Variants in FER1L6 observed in about 807,000 individuals in gnomAD.
FER1L6 encodes the protein fer-1 like family member 6.
In FER1L6, 177 loss-of-function variants were observed where a neutral mutation model predicts 219.2. The observed-to-expected ratio is 0.81, with a 90% CI of 0.71 to 0.91. The LOEUF is 0.91. Among genes scored for constraint, FER1L6 ranks in the 40% least tolerant of loss-of-function variants. The pLI is 0.00. For synonymous variants in FER1L6, 768 were observed against 824.3 expected, an observed-to-expected ratio of 0.93 and a Z score of 1.17; for missense variants, 2,153 against 2,259.9, an observed-to-expected ratio of 0.95 and a Z score of 0.96.
At chr8:124,097,921 C>T in intron 37 of FER1L6, 38 bp downstream of exon 37, 1 of 1,072,186 alleles carries the variant, frequency 9.3e-7, no homozygotes, top group East Asian at 2.4e-5. Flanking sequence ...CCATTTCCTT[C>T]CCTCCTCACC....
intron 1 of FER1L6, among the ~76,000 whole-genome samples, chr8:123,907,338 A>G (rs1812971772): frequency 6.6e-6 from 1 of 152,158 alleles, no homozygotes; most frequent in Non-Finnish European, 1.5e-5. Context: ...ACTTCATTCC[A>G]TCAACAGATC....
chr8:123,880,963 T>C (rs1817098497), intron 1 of FER1L6, among the ~76,000 whole-genome samples: 1 of 152,206 alleles, frequency 6.6e-6, no homozygotes, highest in African/African-American at 2.4e-5. Context: ...CTGAGCTTTA[T>C]TGCACGTCAC....
At chr8:124,106,328 CAAAAAAAAAAAAA>C (rs71289636) in intron 39 of FER1L6, among the ~76,000 whole-genome samples, 2 of 63,848 alleles carry the variant, frequency 3.1e-5, no homozygotes, top group Non-Finnish European at 5.2e-5. Flanking sequence ...GACTCTGTCT[CAAAAAAAAAAAAA>C]AAAAAAAAAA....
chr8:124,061,807 G>A (rs1271485921), intron 24 of FER1L6, 45 bp from the exon 25 acceptor site: 13 of 1,592,550 alleles, frequency 8.2e-6, no homozygotes, highest in Non-Finnish European at 1.1e-5. Context: ...GTCTGCCCAT[G>A]GAAGGGTCAC....
chr8:123,993,437 G>A (rs1195855285), intron 12 of FER1L6, among the ~76,000 whole-genome samples: 4 of 134,290 alleles, frequency 3.0e-5, no homozygotes, highest in South Asian at 2.4e-4. Context: ...GCGAGACTCC[G>A]TCTCAAAAAA....
Position 123,855,211 on chromosome 8 carries a change from A to G in FER1L6, c.-8+3026A>G, listed in dbSNP as rs79303731. On this transcript the variant is annotated intron_variant, in intron 1 of 40. Coordinates refer to ENST00000522917, the MANE Select transcript of FER1L6 (RefSeq NM_001039112.2). ...AGGATCCAGGACAGTTCCAGGCATC[A>G]TGGGAGAGGGATGCTGTGATGCGTG... 9.9e-3 allele frequency among the ~76,000 whole-genome samples: 1,515 copies of G among 152,298 alleles called. 17 individuals are homozygous for G. Among genetic ancestry groups the G allele is most frequent in the Non-Finnish European group, 0.016 (1,076 of 68,010 alleles).
rs79859638 is a variant in FER1L6 at position 124,035,240 on chromosome 8, T to C, written c.2287-37T>C. 8,655 of 1,594,910 alleles carry C rather than the reference T, an allele frequency of 5.4e-3. 317 individuals are homozygous for C. The African/African-American group carries it at 0.085, about 16-fold the overall frequency. ...AAAGGGGAGGCCTATAATTATCTCCTACTAATAAGTCAGTCTTTTTTGTAA... is the reference window on the plus strand; with the variant it reads ...AAAGGGGAGGCCTATAATTATCTCCCACTAATAAGTCAGTCTTTTTTGTAA... On this transcript the variant is annotated intron_variant, in intron 18 of 40. Coordinates refer to ENST00000522917, the MANE Select transcript of FER1L6 (RefSeq NM_001039112.2).
chr8:123,894,775 T>A lies in FER1L6; in HGVS notation c.-8+42590T>A, dbSNP rs73324138. Among the ~76,000 whole-genome samples the A allele has an allele frequency of 7.7e-3, 1,168 of 152,190 alleles. 21 individuals are homozygous for A. Among genetic ancestry groups the A allele is most frequent in the African/African-American group, 0.026 (1,070 of 41,516 alleles). On this transcript the variant is annotated intron_variant, in intron 1 of 40. Transcript: ENST00000522917. ...GGAGGTACTCTGGAAGTGATGGGGA[T>A]ATGTTGAAAGGAGTCAGAAGCCAGC...
chr8:124,021,844 C>T (rs966961910), intron 17 of FER1L6, among the ~76,000 whole-genome samples, 175 bp downstream of exon 17: 2 of 117,314 alleles, frequency 1.7e-5, no homozygotes, highest in African/African-American at 6.9e-5. Flanking sequence ...CAAACAAGTA[C>T]AGCTTTATTC....
intron 1 of FER1L6, among the ~76,000 whole-genome samples, chr8:123,858,807 A>G (rs1296800394): frequency 1.3e-5 from 2 of 152,224 alleles, no homozygotes; most frequent in African/African-American, 2.4e-5. Context: ...AGTTTAGGAT[A>G]GTGGAAAGCC....
At chr8:124,056,941 G>A (rs949061973) in intron 22 of FER1L6, among the ~76,000 whole-genome samples, 1 of 152,198 alleles carries the variant, frequency 6.6e-6, no homozygotes. Flanking sequence ...CTACTCAGGA[G>A]GCTGAGGCAG....
chr8:124,029,741 T>C (rs1818876482), intron 18 of FER1L6, among the ~76,000 whole-genome samples: 1 of 152,250 alleles, frequency 6.6e-6, no homozygotes, highest in South Asian at 2.1e-4. Flanking sequence ...GAGAGTTTCT[T>C]TTGCTTTGAA....
chr8:123,920,403 G>A (rs948953412), intron 1 of FER1L6, among the ~76,000 whole-genome samples: 5 of 152,182 alleles, frequency 3.3e-5, no homozygotes, highest in Non-Finnish European at 7.4e-5. Flanking sequence ...TCATAGTCCA[G>A]GCCAAATGAG....
Position 124,049,705 on chromosome 8 carries a change from T to C in FER1L6, c.2823T>C (p.Phe941=), listed in dbSNP as rs1318699666. 1.2e-6 allele frequency: 2 copies of C among 1,614,098 alleles called. No homozygotes were observed. The highest frequency in any genetic ancestry group is 1.1e-5 in the South Asian group (1 of 91,084). Residue 941 remains phenylalanine (F), a synonymous_variant, in exon 22 of 41, where the codon TTT becomes TTC. Coordinates refer to ENST00000522917, the MANE Select transcript of FER1L6 (RefSeq NM_001039112.2). ...CCAGGTTATGCTATCACCCCATCTT[T>C]TGTGGGAATCTCTCTGGAGGGGATC... ...EPPRLCYHPI[F]CGNLSGGDLL...
chr8:123,866,818 T>C (rs910491524), intron 1 of FER1L6, among the ~76,000 whole-genome samples: 1 of 152,138 alleles, frequency 6.6e-6, no homozygotes, highest in Non-Finnish European at 1.5e-5. Flanking sequence ...GGGGTCTCTC[T>C]TTATTGCCCA....
In FER1L6 at chr8:124,031,224, T is replaced by C. The variant is rs149027959; in HGVS notation, c.2287-4053T>C. 3.1e-3 allele frequency among the ~76,000 whole-genome samples: 465 copies of C among 152,156 alleles called. 2 individuals are homozygous for C. Among genetic ancestry groups the C allele is most frequent in the African/African-American group, 0.011 (440 of 41,522 alleles). On this transcript the variant is annotated intron_variant, in intron 18 of 40. Coordinates refer to ENST00000522917, the MANE Select transcript of FER1L6 (RefSeq NM_001039112.2). ...AATCAATTCACAAAAGGTAGATTAA[T>C]AGGAGAAAAGGCATACAAATTTATT... is the stretch of plus-strand genomic sequence containing the variant.
chr8:123,964,417 A>T (rs1368000183), intron 3 of FER1L6, among the ~76,000 whole-genome samples: 3 of 152,130 alleles, frequency 2.0e-5, no homozygotes, highest in Non-Finnish European at 4.4e-5. Context: ...TTGTGACAGG[A>T]TGGCAGGGTA....
At chr8:123,989,708 C>G (rs1284378075) in intron 12 of FER1L6, among the ~76,000 whole-genome samples, 1 of 152,156 alleles carries the variant, frequency 6.6e-6, no homozygotes, top group East Asian at 1.9e-4. Flanking sequence ...TAATGACCTC[C>G]AGCTCCATCC....
Position 124,118,945 on chromosome 8 carries a change from G to A in FER1L6, c.5390+1G>A. On this transcript the variant is annotated splice_donor_variant, in intron 40 of 40. Coordinates refer to ENST00000522917, the MANE Select transcript of FER1L6 (RefSeq NM_001039112.2). LOFTEE classifies it high-confidence loss of function. ...AGCCAGAGCCCCTGGCCAAGCCCAA[G>A]TGAGTGGAGTTGCTAGTGGGAACAT... 6.2e-7 allele frequency: 1 copy of A among 1,610,926 alleles called. No individual in the cohort carries two copies. Among genetic ancestry groups the A allele is most frequent in the Middle Eastern group, 1.7e-4 (1 of 6,040 alleles).
Sources: gnomAD v4.1 joint callset for allele counts (sites outside exome capture counted in the v4.1 genomes callset) on GRCh38, gnomAD v4.1.1 for gene constraint, MANE v1.5 for transcripts, NCBI Gene and HGNC (gene_info 2026-07-23, HGNC 2026-07-21) for gene names.